The following SLC67A1 variants were observed in gnomAD, a reference collection of about 807,000 sequenced individuals.
SLC67A1 encodes the protein solute carrier family 67 member A1.
chr11:2,916,437 C>CGGTGGTCGCCGT, the SLC67A1 span: 12 of 547,332 alleles, frequency 2.2e-5, no homozygotes, highest in Admixed American at 1.0e-4. Context: ...CCCATTCCTT[C>CGGTGGTCGCCGT]ATCCATCACC....
At chr11:2,899,705 C>A in the SLC67A1 span, 3 of 1,492,680 alleles carry the variant, frequency 2.0e-6, no homozygotes, top group Non-Finnish European at 2.7e-6. Flanking sequence ...CCCCCATTCA[C>A]ACTGAGCCTG....
At chr11:2,922,463 T>C in the SLC67A1 span, 39 of 1,612,032 alleles carry the variant, frequency 2.4e-5, no homozygotes, top group Non-Finnish European at 3.2e-5. Context: ...CTTCCACTTC[T>C]GCCTCCTGGT....
At chr11:2,899,769 G>C in the SLC67A1 span, 2 of 1,415,718 alleles carry the variant, frequency 1.4e-6, no homozygotes, top group East Asian at 2.5e-5. Flanking sequence ...CAGTTCCCTG[G>C]CTACCTGAGG....
At chr11:2,900,121 A>G in the SLC67A1 span, among the ~76,000 whole-genome samples, 2 of 144,314 alleles carry the variant, frequency 1.4e-5, no homozygotes, top group Admixed American at 1.4e-4. Flanking sequence ...CTCTGGCTGG[A>G]CCTGGGCTCT....
the SLC67A1 span, among the ~76,000 whole-genome samples, chr11:2,901,204 T>A: frequency 4.6e-5 from 7 of 152,228 alleles, no homozygotes; most frequent in Non-Finnish European, 8.8e-5. Flanking sequence ...GGTATTGTTT[T>A]CTGATGCCCA....
the SLC67A1 span, chr11:2,919,410 G>A: frequency 3.1e-6 from 5 of 1,611,504 alleles, no homozygotes; most frequent in South Asian, 1.1e-5. Context: ...TCCAGATGGT[G>A]AGTGGGCACA....
chr11:2,917,556 G>C, the SLC67A1 span, among the ~76,000 whole-genome samples: 1 of 152,328 alleles, frequency 6.6e-6, no homozygotes, highest in African/African-American at 2.4e-5. Flanking sequence ...TGTGGCCACA[G>C]AGAGTGGTAC....
chr11:2,908,386 G>C, the SLC67A1 span: 1 of 1,344,718 alleles, frequency 7.4e-7, no homozygotes, highest in Non-Finnish European at 1.0e-6. Flanking sequence ...CCCCCTCTCA[G>C]ACGCCATGGG....
chr11:2,907,462 C>T, the SLC67A1 span, among the ~76,000 whole-genome samples: 2 of 152,132 alleles, frequency 1.3e-5, no homozygotes, highest in East Asian at 3.9e-4. The surrounding 1 kb of genome is among the most constrained non-coding windows in gnomAD (Gnocchi z 6.7). Context: ...GTCATCCATC[C>T]GAGTGTGTCT....
At chr11:2,923,295 GA>G in the SLC67A1 span, among the ~76,000 whole-genome samples, 2 of 151,814 alleles carry the variant, frequency 1.3e-5, no homozygotes, top group South Asian at 2.1e-4. The surrounding 1 kb of genome is among the most constrained non-coding windows in gnomAD (Gnocchi z 6.5). Flanking sequence ...GCACACATCT[GA>G]CACTCCATCC....
chr11:2,924,700 ACT>A, the SLC67A1 span, among the ~76,000 whole-genome samples: 1 of 151,770 alleles, frequency 6.6e-6, no homozygotes, highest in African/African-American at 2.4e-5. This position sits in a 1 kb window ranked among gnomAD's most constrained non-coding sequence, Gnocchi z 8.6. Context: ...CAGGGAAGAG[ACT>A]CAGCCCAATG....
the SLC67A1 span, chr11:2,914,645 C>T: frequency 1.1e-6 from 1 of 947,476 alleles, no homozygotes; most frequent in Non-Finnish European, 1.3e-6. Context: ...CTTTGGTTTA[C>T]CCACCACCGC....
chr11:2,907,943 G>A, the SLC67A1 span, among the ~76,000 whole-genome samples: 2 of 152,204 alleles, frequency 1.3e-5, no homozygotes, highest in Admixed American at 6.5e-5. This position sits in a 1 kb window ranked among gnomAD's most constrained non-coding sequence, Gnocchi z 6.7. Context: ...ACAAAATGGT[G>A]GGGGTCAGGT....
the SLC67A1 span, chr11:2,909,164 C>G: frequency 2.7e-6 from 4 of 1,466,526 alleles, no homozygotes; most frequent in African/African-American, 5.9e-5. Context: ...TGACCGCCTC[C>G]GTGAGGGTCC....
At chr11:2,900,657 C>A in the SLC67A1 span, among the ~76,000 whole-genome samples, 77 of 126,002 alleles carry the variant, frequency 6.1e-4, no homozygotes, top group Admixed American at 2.3e-3. Context: ...CGCGCCACTG[C>A]ACTTCAGCCT....
At chr11:2,909,391 G>T in the SLC67A1 span, 59 of 1,501,758 alleles carry the variant, frequency 3.9e-5, no homozygotes, top group South Asian at 6.3e-4. Context: ...AGGTGGGGCC[G>T]GGTCGGGGGC....
At chr11:2,909,801 C>A in the SLC67A1 span, 1 of 1,333,748 alleles carries the variant, frequency 7.5e-7, no homozygotes, top group Non-Finnish European at 9.8e-7. Context: ...TCGGTTTCCT[C>A]TTTTGCTCGT....
At chr11:2,922,695 G>GGGGGCCTGGGGTCTGTGTGGAGTGT in the SLC67A1 span, 5 of 364,808 alleles carry the variant, frequency 1.4e-5, no homozygotes, top group South Asian at 1.6e-4. Flanking sequence ...GAGTGGAGTG[G>GGGGGCCTGGGGTCTGTGTGGAGTGT]GTGGGGTGGG....
chr11:2,915,311 G>A, the SLC67A1 span: 13 of 863,836 alleles, frequency 1.5e-5, no homozygotes, highest in South Asian at 1.1e-4. Context: ...ATGTGGCTGC[G>A]GTGAAGAGGG....
Sources: gnomAD v4.1 joint callset for allele counts (sites outside exome capture counted in the v4.1 genomes callset) on GRCh38, gnomAD v4.1.1 for gene constraint, Gnocchi (gnomAD v3.1) non-coding constraint, MANE v1.5 for transcripts, NCBI Gene and HGNC (gene_info 2026-07-23, HGNC 2026-07-21) for gene names.